MFHAS1: variants seen among roughly 807,000 people sequenced by gnomAD.
The protein encoded by MFHAS1 is multifunctional ROCO family signaling regulator 1.
A neutral mutation model predicts 70.4 loss-of-function variants in MFHAS1; 50 were observed. That is an observed-to-expected ratio of 0.71 (90% CI 0.57 to 0.90). The LOEUF is 0.90. MFHAS1 is among the 40% of genes least tolerant of loss of function. MFHAS1 has a pLI of 0.00. For synonymous variants in MFHAS1, 952 were observed against 620.0 expected, an observed-to-expected ratio of 1.54 and a Z score of -7.96; for missense variants, 1,795 against 1,347.6, an observed-to-expected ratio of 1.33 and a Z score of -5.20.
chr8:8,843,450 G>C (rs1389875177), intron 1 of MFHAS1, among the ~76,000 whole-genome samples: 5 of 152,152 alleles, frequency 3.3e-5, no homozygotes, highest in Admixed American at 1.3e-4. Flanking sequence ...ATACGGTGTT[G>C]TGCACCTTTA....
At chr8:8,790,301 C>G (rs759477995) in intron 2 of MFHAS1, 580 of 865,140 alleles carry the variant, frequency 6.7e-4, no homozygotes, top group Non-Finnish European at 7.7e-4. Context: ...TTAAGAAATT[C>G]TCTCTGTTTC....
In MFHAS1 at chr8:8,891,559, C is replaced by A. The variant is rs1810038065; in HGVS notation, c.1500G>T (p.Leu500=). 6.2e-7 allele frequency: 1 copy of A among 1,613,200 alleles called. No homozygotes were observed. Among genetic ancestry groups the A allele is most frequent in the Middle Eastern group, 1.6e-4 (1 of 6,062 alleles). ...GCTCATAGGTGGCCAAGTTGACCAC[C>A]AGCACGTATAGGGCCCCTGGGGACA... ...FFLSPGALYV[L]VVNLATYEPR... The change falls in exon 1 of 3, where the codon CTG becomes CTT. Residue 500 remains leucine (L), a synonymous_variant. Coordinates refer to ENST00000276282, the MANE Select transcript of MFHAS1 (RefSeq NM_004225.3). The surrounding 1 kb of genome is among the most constrained non-coding windows in gnomAD (Gnocchi z 5.4).
intron 1 of MFHAS1, among the ~76,000 whole-genome samples, chr8:8,837,042 G>T (rs762795759): frequency 6.6e-6 from 1 of 152,206 alleles, no homozygotes; most frequent in Admixed American, 6.5e-5. Context: ...ATTGGGACGT[G>T]CAATGGCGGA....
At chr8:8,866,837 G>A (rs938575333) in intron 1 of MFHAS1, among the ~76,000 whole-genome samples, 1 of 152,202 alleles carries the variant, frequency 6.6e-6, no homozygotes, top group Non-Finnish European at 1.5e-5. Flanking sequence ...TTACCTTGAG[G>A]AATCTGAAAA....
chr8:8,893,559 CG>C lies in MFHAS1; in HGVS notation c.-502del, dbSNP rs1415340720. 2.0e-5 allele frequency: 3 copies of C among 146,658 alleles called. No individual in the cohort carries two copies. The highest frequency in any genetic ancestry group is 7.3e-5 in the African/African-American group (3 of 40,954). 9.1% of individuals were successfully genotyped at this position (146,658 alleles called of 1,614,324 possible). On this transcript the variant is annotated 5_prime_UTR_variant, in exon 1 of 3. Transcript: ENST00000276282. The stretch of plus-strand genomic sequence containing the variant: ...GGGGGCGGCGGCGCCTCCTTGTCTC[CG>C]TTTCCCCGGGCTCGGGCGGGAGCGC...
chr8:8,797,613 G>A, intron 1 of MFHAS1, 122 bp from the exon 2 acceptor site: 1 of 1,126,976 alleles, frequency 8.9e-7, no homozygotes, highest in East Asian at 2.6e-5. Context: ...AGCAACGAAG[G>A]ATGTGAGAAC....
At chr8:8,818,786 C>A (rs1329795241) in intron 1 of MFHAS1, among the ~76,000 whole-genome samples, 6 of 152,220 alleles carry the variant, frequency 3.9e-5, no homozygotes, top group Non-Finnish European at 4.4e-5. Flanking sequence ...TGCAAGGGCC[C>A]TGACTTTCCT....
intron 1 of MFHAS1, among the ~76,000 whole-genome samples, chr8:8,829,775 G>T (rs140514720): frequency 2.6e-4 from 39 of 152,332 alleles, no homozygotes; most frequent in African/African-American, 8.9e-4. Context: ...ATGGATGACA[G>T]CAAGTTAAAC....
chr8:8,846,236 G>C (rs1372398689), intron 1 of MFHAS1, among the ~76,000 whole-genome samples: 2 of 122,422 alleles, frequency 1.6e-5, no homozygotes, highest in East Asian at 2.9e-4. Context: ...CTGAGCGACA[G>C]AGCGAGACTC....
chr8:8,809,751 A>C (rs1423776407), intron 1 of MFHAS1, among the ~76,000 whole-genome samples: 1 of 152,216 alleles, frequency 6.6e-6, no homozygotes, highest in Non-Finnish European at 1.5e-5. Context: ...AACCTAGCTC[A>C]GCCCTCTCCT....
chr8:8,869,231 G>C (rs894887214), intron 1 of MFHAS1, among the ~76,000 whole-genome samples: 10 of 152,138 alleles, frequency 6.6e-5, no homozygotes, highest in African/African-American at 2.4e-4. Flanking sequence ...GCACAGAACA[G>C]GATAGCAAAA....
At chr8:8,881,921 A>C (rs1466260989) in intron 1 of MFHAS1, among the ~76,000 whole-genome samples, 1 of 151,958 alleles carries the variant, frequency 6.6e-6, no homozygotes, top group African/African-American at 2.4e-5. Flanking sequence ...TTCTGTGGCC[A>C]GCTCCTGCAT....
At chr8:8,801,388 C>T (rs1806079734) in intron 1 of MFHAS1, among the ~76,000 whole-genome samples, 1 of 152,168 alleles carries the variant, frequency 6.6e-6, no homozygotes, top group Admixed American at 6.5e-5. Context: ...GTGGAAGGCA[C>T]TGAGAAGTTT....
chr8:8,827,469 C>A (rs1807205833), intron 1 of MFHAS1, among the ~76,000 whole-genome samples: 1 of 152,204 alleles, frequency 6.6e-6, no homozygotes, highest in South Asian at 2.1e-4. Flanking sequence ...CAGATGAAAA[C>A]AATGAGACCT....
chr8:8,885,097 C>G (rs923123633), intron 1 of MFHAS1, among the ~76,000 whole-genome samples: 7 of 152,122 alleles, frequency 4.6e-5, no homozygotes, highest in African/African-American at 1.7e-4. Flanking sequence ...AAAGATATAT[C>G]ATGACGCAAC....
At chr8:8,862,719 G>A (rs1445795383) in intron 1 of MFHAS1, among the ~76,000 whole-genome samples, 1 of 152,084 alleles carries the variant, frequency 6.6e-6, no homozygotes, top group African/African-American at 2.4e-5. Flanking sequence ...GTGAACTACT[G>A]GACTTCGTGT....
At chr8:8,889,545 T>C (rs1028504750) in intron 1 of MFHAS1, among the ~76,000 whole-genome samples, 5 of 152,246 alleles carry the variant, frequency 3.3e-5, no homozygotes, top group African/African-American at 2.4e-5. Flanking sequence ...TTTCTATGCA[T>C]TGCATGCCTG....
intron 1 of MFHAS1, among the ~76,000 whole-genome samples, chr8:8,836,972 T>C (rs949965024): frequency 2.6e-5 from 4 of 152,246 alleles, no homozygotes; most frequent in African/African-American, 7.2e-5. Flanking sequence ...CTTAATGTCA[T>C]GACCAAAACA....
chr8:8,890,773 C>G lies in MFHAS1; in HGVS notation c.2286G>C (p.Ala762=). 1 of 1,613,964 alleles carries G rather than the reference C, an allele frequency of 6.2e-7. No homozygotes were observed. Among genetic ancestry groups the G allele is most frequent in the African/African-American group, 1.3e-5 (1 of 75,074 alleles). The part of the protein sequence containing the change: ...LLLGTSGEGK[A]EGESSPPMAR... ...CCATGGGCGGGGAGCTTTCCCCCTC[C>G]GCCTTGCCCTCTCCACTGGTCCCTA... Residue 762 remains alanine, a synonymous_variant, in exon 1 of 3, where the codon GCG becomes GCC. Transcript: ENST00000276282.
Sources: gnomAD v4.1 joint callset for allele counts (sites outside exome capture counted in the v4.1 genomes callset) on GRCh38, gnomAD v4.1.1 for gene constraint, Gnocchi (gnomAD v3.1) non-coding constraint, MANE v1.5 for transcripts, NCBI Gene and HGNC (gene_info 2026-07-23, HGNC 2026-07-21) for gene names.